Variants in PCDHGB1 observed in about 807,000 individuals in gnomAD.
PCDHGB1 encodes protocadherin gamma-B1.
In PCDHGB1, 34 loss-of-function variants were observed where a neutral mutation model predicts 56.6. The ratio of observed to expected loss-of-function variants is 0.60; its 90% CI spans 0.46 to 0.80. The LOEUF is 0.80. Among genes scored for constraint, PCDHGB1 ranks in the 30% least tolerant of loss-of-function variants. The pLI is 0.00. For synonymous variants in PCDHGB1, 561 were observed against 505.9 expected, an observed-to-expected ratio of 1.11 and a Z score of -1.46; for missense variants, 1,278 against 1,204.6, an observed-to-expected ratio of 1.06 and a Z score of -0.90.
chr5:141,361,949 C>A lies in PCDHGB1; in HGVS notation c.2409+9280C>A, dbSNP rs202129585. Reference sequence around the variant, plus strand: ...GACTCAGGACACAACGCTTGGCTGTCCTACCACGTGCTGCAGGCCAGCGAG... The same window carrying A: ...GACTCAGGACACAACGCTTGGCTGTACTACCACGTGCTGCAGGCCAGCGAG... On this transcript the variant is annotated intron_variant, in intron 1 of 3. Coordinates refer to ENST00000523390, the MANE Select transcript of PCDHGB1 (RefSeq NM_018922.3). 3.8e-3 allele frequency: 6,045 copies of A among 1,604,150 alleles called. 134 individuals carry two copies. The South Asian group carries it at 0.045, about 12-fold the overall frequency.
chr5:141,418,125 G>A (rs765373450), intron 1 of PCDHGB1: 2 of 1,614,086 alleles, frequency 1.2e-6, no homozygotes, highest in Middle Eastern at 1.7e-4. Flanking sequence ...GTGAAGGACC[G>A]AATAGACCGT....
chr5:141,426,451 C>T (rs561567196), intron 1 of PCDHGB1: 1 of 308,946 alleles, frequency 3.2e-6, no homozygotes, highest in Non-Finnish European at 6.4e-6. Flanking sequence ...GGACATGCGG[C>T]TGCATGTTCA....
In PCDHGB1 at chr5:141,408,496, G is replaced by C. The variant is rs758752081; in HGVS notation, c.2409+55827G>C. On this transcript the variant is annotated intron_variant, in intron 1 of 3. Coordinates refer to ENST00000523390, the MANE Select transcript of PCDHGB1 (RefSeq NM_018922.3). The stretch of plus-strand genomic sequence containing the variant: ...TAGACCGTGAGCAAATATGCAAAGA[G>C]AGAAGAAGATGTGAGTTGCAATTGG... 21 of 1,613,960 alleles carry C rather than the reference G, an allele frequency of 1.3e-5. No individual in the cohort carries two copies. In the East Asian group the frequency reaches 1.3e-4, roughly 10 times the overall value.
At chr5:141,365,423 G>C (rs182594355) in intron 1 of PCDHGB1, 2 of 1,614,018 alleles carry the variant, frequency 1.2e-6, no homozygotes, top group South Asian at 2.2e-5. Context: ...TCCCGGAACT[G>C]TAATCGCGCT....
chr5:141,403,853 A>G (rs765359583), intron 1 of PCDHGB1: 3 of 1,613,726 alleles, frequency 1.9e-6, no homozygotes, highest in Non-Finnish European at 2.5e-6. Context: ...TACTGGGGAA[A>G]TATCAACAGC....
At chr5:141,375,922 G>A (rs1772046633) in intron 1 of PCDHGB1, 5 of 1,613,646 alleles carry the variant, frequency 3.1e-6, no homozygotes, top group Admixed American at 1.7e-5. Context: ...AGGCCAGCGA[G>A]CCAGGACTTT....
At chr5:141,371,946 C>T (rs200127619) in intron 1 of PCDHGB1, 98 of 1,613,142 alleles carry the variant, frequency 6.1e-5, no homozygotes, top group East Asian at 3.6e-4. Context: ...GTTCGCGCAG[C>T]GAGCCTTCGA....
At position 141,384,979 on chromosome 5, in the gene PCDHGB1, G is replaced by C. The variant is rs758247749; in HGVS notation, c.2409+32310G>C. 1.4e-4 allele frequency: 229 copies of C among 1,614,146 alleles called. 1 individual carries two copies. The highest frequency in any genetic ancestry group is 1.5e-5 in the Non-Finnish European group (18 of 1,180,036). On this transcript the variant is annotated intron_variant, in intron 1 of 3. Coordinates refer to ENST00000523390, the MANE Select transcript of PCDHGB1 (RefSeq NM_018922.3). ...CAACTATGACCTCACGTTGTACCTG[G>C]TGGTGGCGGTGGCCACAGTCTCCTG...
chr5:141,484,695 G>A (rs1371166304), intron 1 of PCDHGB1, among the ~76,000 whole-genome samples: 3 of 151,920 alleles, frequency 2.0e-5, no homozygotes, highest in Non-Finnish European at 4.4e-5. Context: ...TCAGGCTGTG[G>A]CTGTTTTCCC....
intron 1 of PCDHGB1, chr5:141,364,555 TG>T: frequency 6.2e-7 from 1 of 1,614,108 alleles, no homozygotes; most frequent in Non-Finnish European, 8.5e-7. Context: ...CGCAGCTTTT[TG>T]CCCTGAACCC....
chr5:141,408,316 G>T (rs1407149479), intron 1 of PCDHGB1: 2 of 1,613,750 alleles, frequency 1.2e-6, no homozygotes, highest in African/African-American at 1.3e-5. Flanking sequence ...ACTCGATTCC[G>T]GAGGAGCTGG....
At chr5:141,403,452 T>C (rs1482278011) in intron 1 of PCDHGB1, 15 of 1,613,988 alleles carry the variant, frequency 9.3e-6, no homozygotes, top group Non-Finnish European at 1.3e-5. Flanking sequence ...GTGAACTCCC[T>C]CCAGAGCTAC....
intron 1 of PCDHGB1, chr5:141,421,816 C>T (rs981400135): frequency 1.2e-5 from 19 of 1,613,696 alleles, no homozygotes; most frequent in Non-Finnish European, 1.4e-5. Context: ...AGAGCTAGTA[C>T]TGGAGGGAAG....
In PCDHGB1 at chr5:141,487,000, G is replaced by A. The variant is rs1410493699; in HGVS notation, c.2410-7807G>A. On this transcript the variant is annotated intron_variant, in intron 1 of 3. Transcript: ENST00000523390. The surrounding 1 kb of genome is among the most constrained non-coding windows in gnomAD (Gnocchi z 5.0). ...GTTACAATGCTTGGGTTTCCTATCA[G>A]CTCCTGGAGGCCCCAGATCCCAGCC... The A allele has an allele frequency of 6.2e-7, 1 of 1,614,194 alleles. No homozygotes were observed. The highest frequency in any genetic ancestry group is 8.5e-7 in the Non-Finnish European group (1 of 1,180,036).
In PCDHGB1 at chr5:141,512,249, T is replaced by A. The variant is rs1159090773; in HGVS notation, c.*1076T>A. 6.6e-6 allele frequency: 1 copy of A among 152,598 alleles called. No individual in the cohort carries two copies. The allele number at this position is 152,598 out of a possible 1,614,324, so 9.5% of individuals were successfully genotyped here. On this transcript the variant is annotated 3_prime_UTR_variant, in exon 4 of 4. Coordinates refer to ENST00000523390, the MANE Select transcript of PCDHGB1 (RefSeq NM_018922.3). Reference sequence around the variant, plus strand: ...CCTTGAGAGGTCAGAGGGGCCTCTGTGGGTGCTGGGTACTCCAGAGGTGCC... The same window carrying A: ...CCTTGAGAGGTCAGAGGGGCCTCTGAGGGTGCTGGGTACTCCAGAGGTGCC...
intron 1 of PCDHGB1, among the ~76,000 whole-genome samples, chr5:141,373,006 G>GCCT (rs775944130): frequency 4.6e-5 from 7 of 152,146 alleles, no homozygotes; most frequent in Non-Finnish European, 8.8e-5. Context: ...TTCATAGAAA[G>GCCT]CCTCCTTTTG....
chr5:141,374,302 G>A (rs769015747), intron 1 of PCDHGB1: 2 of 1,613,984 alleles, frequency 1.2e-6, no homozygotes, highest in Non-Finnish European at 1.7e-6. Flanking sequence ...GTAGGATGCA[G>A]CTTTTCTCTC....
At chr5:141,465,323 G>A (rs757662972) in intron 1 of PCDHGB1, among the ~76,000 whole-genome samples, 1 of 152,138 alleles carries the variant, frequency 6.6e-6, no homozygotes, top group Non-Finnish European at 1.5e-5. Flanking sequence ...TGTCAATGCA[G>A]TATTTTTTAT....
At chr5:141,413,488 C>G in intron 1 of PCDHGB1, 1 of 1,613,986 alleles carries the variant, frequency 6.2e-7, no homozygotes, top group Non-Finnish European at 8.5e-7. Context: ...TCAGAGCGCG[C>G]GGTGCGTGGT....
Sources: gnomAD v4.1 joint callset for allele counts (sites outside exome capture counted in the v4.1 genomes callset) on GRCh38, gnomAD v4.1.1 for gene constraint, Gnocchi (gnomAD v3.1) non-coding constraint, MANE v1.5 for transcripts, NCBI Gene and HGNC (gene_info 2026-07-23, HGNC 2026-07-21) for gene names.